The following ATXN1 variants were observed in gnomAD, a reference collection of about 807,000 sequenced individuals.
ATXN1 encodes the protein ataxin-1.
A neutral mutation model predicts 56.4 loss-of-function variants in ATXN1; 8 were observed. The ratio of observed to expected loss-of-function variants is 0.14; its 90% CI spans 0.08 to 0.26. The LOEUF is 0.26. Ranked by LOEUF, ATXN1 falls within the 10% of genes least tolerant of loss-of-function variation. ATXN1 has a pLI of 1.00. For synonymous variants in ATXN1, 514 were observed against 494.6 expected, an observed-to-expected ratio of 1.04 and a Z score of -0.52; for missense variants, 987 against 1,106.5, an observed-to-expected ratio of 0.89 and a Z score of 1.53.
intron 5 of ATXN1, among the ~76,000 whole-genome samples, chr6:16,501,844 G>A (rs1561728700): frequency 2.0e-5 from 3 of 152,110 alleles, no homozygotes; most frequent in Admixed American, 6.5e-5. Flanking sequence ...AACCAGTAAC[G>A]GGATTGCTGG....
At chr6:16,445,975 C>A (rs1402998506) in intron 6 of ATXN1, among the ~76,000 whole-genome samples, 3 of 151,898 alleles carry the variant, frequency 2.0e-5, no homozygotes, top group African/African-American at 4.8e-5. Context: ...ATAGTGCCGC[C>A]ATAAACATAC....
intron 2 of ATXN1, among the ~76,000 whole-genome samples, chr6:16,743,539 G>A (rs114337946): frequency 0.013 from 1,927 of 152,318 alleles, 19 homozygotes; most frequent in Non-Finnish European, 0.018. Flanking sequence ...ATCACAGGGG[G>A]AATGCCCGTA....
chr6:16,552,918 G>A (rs909434065), intron 4 of ATXN1, among the ~76,000 whole-genome samples: 5 of 152,214 alleles, frequency 3.3e-5, no homozygotes, highest in Non-Finnish European at 5.9e-5. Flanking sequence ...GCTGCTCCAC[G>A]TATTTCCGAT....
chr6:16,300,234 T>C lies in ATXN1; in HGVS notation c.*6095A>G, dbSNP rs370389587. 2.6e-5 allele frequency: 4 copies of C among 152,618 alleles called. No individual in the cohort carries two copies. The highest frequency in any genetic ancestry group is 9.7e-5 in the African/African-American group (4 of 41,438). The allele number at this position is 152,618 out of a possible 1,614,324, so 9.5% of individuals were successfully genotyped here. A position where few individuals can be genotyped will look rare whatever the true frequency, so the allele number is the denominator to read the frequency against. ...TTGAGTCCTTTCAGATAAGAAAAGT[T>C]ATGGAAATTCTTAGAGATTGTTGTT... On this transcript the variant is annotated 3_prime_UTR_variant, in exon 8 of 8. Transcript: ENST00000436367.
chr6:16,705,914 C>T (rs1209427649), intron 2 of ATXN1, among the ~76,000 whole-genome samples: 1 of 152,052 alleles, frequency 6.6e-6, no homozygotes, highest in East Asian at 1.9e-4. Context: ...CTTTTCACAT[C>T]CCTACAGTCC....
At position 16,465,388 on chromosome 6, in the gene ATXN1, C is replaced by T. The variant is rs1421817847; in HGVS notation, c.-161+20584G>A. 5.3e-5 allele frequency among the ~76,000 whole-genome samples: 8 copies of T among 152,240 alleles called. 1 individual carries two copies. In the South Asian group the frequency reaches 1.5e-3, roughly 28 times the overall value. On this transcript the variant is annotated intron_variant, in intron 6 of 7. Transcript: ENST00000436367. The stretch of plus-strand genomic sequence containing the variant: ...AGGAGAATTGCTTGAACCCAGGAGA[C>T]GGAGGTTGCCGTGAGCCAAGATCGT...
chr6:16,417,621 C>G (rs112899072), intron 6 of ATXN1, among the ~76,000 whole-genome samples: 19,319 of 151,766 alleles, frequency 0.13, 1,277 homozygotes, highest in Admixed American at 0.15. Context: ...TGTATATTTA[C>G]TAGAGACGGG....
At chr6:16,713,161 A>G (rs1472971074) in intron 2 of ATXN1, among the ~76,000 whole-genome samples, 1 of 152,202 alleles carries the variant, frequency 6.6e-6, no homozygotes, top group African/African-American at 2.4e-5. Context: ...AAACTTTACC[A>G]AACAATGGAG....
chr6:16,467,434 G>A (rs1207371014), intron 6 of ATXN1, among the ~76,000 whole-genome samples: 1 of 152,210 alleles, frequency 6.6e-6, no homozygotes, highest in East Asian at 1.9e-4. Flanking sequence ...AGGTTTTACT[G>A]TTTGGTTTTA....
chr6:16,489,687 TCA>T (rs987683599), intron 5 of ATXN1, among the ~76,000 whole-genome samples: 9 of 152,174 alleles, frequency 5.9e-5, no homozygotes, highest in African/African-American at 2.2e-4. Context: ...GTGCAGTGGC[TCA>T]CACCTGTAAT....
intron 4 of ATXN1, among the ~76,000 whole-genome samples, chr6:16,562,722 G>T (rs1451907894): frequency 3.3e-5 from 5 of 151,862 alleles, no homozygotes; most frequent in African/African-American, 1.2e-4. Context: ...TTCAGTGGGT[G>T]GTAATAATCT....
chr6:16,639,172 G>A (rs1012662078), intron 3 of ATXN1, among the ~76,000 whole-genome samples: 2 of 152,174 alleles, frequency 1.3e-5, no homozygotes, highest in Admixed American at 6.5e-5. Flanking sequence ...ATAAAAGCTG[G>A]CCACGCCAGC....
At chr6:16,468,232 CT>C (rs1760145499) in intron 6 of ATXN1, among the ~76,000 whole-genome samples, 1 of 152,176 alleles carries the variant, frequency 6.6e-6, no homozygotes, top group Admixed American at 6.5e-5. Context: ...GTCGCCCAGG[CT>C]GGAGTGCAGT....
intron 5 of ATXN1, among the ~76,000 whole-genome samples, chr6:16,503,973 A>G (rs1760932655): frequency 6.6e-6 from 1 of 152,158 alleles, no homozygotes; most frequent in Non-Finnish European, 1.5e-5. Flanking sequence ...ACTTTTTAAC[A>G]TACGTACATT....
At chr6:16,655,539 A>G (rs1414448923) in intron 3 of ATXN1, among the ~76,000 whole-genome samples, 2 of 152,148 alleles carry the variant, frequency 1.3e-5, no homozygotes, top group African/African-American at 4.8e-5. Context: ...ACAGAAGTTC[A>G]TAAAGAGAGA....
chr6:16,537,126 C>T (rs1659770173), intron 4 of ATXN1, among the ~76,000 whole-genome samples: 1 of 150,092 alleles, frequency 6.7e-6, no homozygotes, highest in Non-Finnish European at 1.5e-5. Flanking sequence ...GTGATTCAAA[C>T]ATGAGATTAT....
intron 4 of ATXN1, among the ~76,000 whole-genome samples, chr6:16,560,922 T>C (rs1762104268): frequency 1.3e-5 from 2 of 152,302 alleles, no homozygotes; most frequent in Admixed American, 6.5e-5. Flanking sequence ...ACCTTGCCTC[T>C]TCAAAATGAA....
At chr6:16,446,686 T>C (rs1048864110) in intron 6 of ATXN1, among the ~76,000 whole-genome samples, 3 of 152,242 alleles carry the variant, frequency 2.0e-5, no homozygotes, top group African/African-American at 7.2e-5. Flanking sequence ...AAAGGAACTT[T>C]ACAGTGACCT....
At chr6:16,723,182 T>C (rs111356518) in intron 2 of ATXN1, among the ~76,000 whole-genome samples, 324 of 152,324 alleles carry the variant, frequency 2.1e-3, no homozygotes, top group African/African-American at 6.7e-3. Flanking sequence ...ATTGTAAACT[T>C]TGGACTATTT....
Sources: gnomAD v4.1 joint callset for allele counts (sites outside exome capture counted in the v4.1 genomes callset) on GRCh38, gnomAD v4.1.1 for gene constraint, MANE v1.5 for transcripts, NCBI Gene and HGNC (gene_info 2026-07-23, HGNC 2026-07-21) for gene names.